The following EPHA3 variants were observed in gnomAD, a reference collection of about 807,000 sequenced individuals.
The protein encoded by EPHA3 is ephrin type-A receptor 3.
A neutral mutation model predicts 107.1 loss-of-function variants in EPHA3; 42 were observed. The observed-to-expected ratio is 0.39, with a 90% CI of 0.31 to 0.51. The LOEUF is 0.51. Ranked by LOEUF, EPHA3 falls within the 20% of genes least tolerant of loss-of-function variation. EPHA3 has a pLI of 0.78. For missense variants in EPHA3, 1,183 were observed against 1,211.2 expected (o/e 0.98, Z 0.35); for synonymous variants, 461 against 424.8 (o/e 1.09, Z -1.05).
chr3:89,193,335 C>T (rs1055790310), intron 2 of EPHA3, among the ~76,000 whole-genome samples: 3 of 151,990 alleles, frequency 2.0e-5, no homozygotes, highest in Admixed American at 6.6e-5. Flanking sequence ...CTGCTCCCCA[C>T]CAAATGATAG....
intron 3 of EPHA3, among the ~76,000 whole-genome samples, chr3:89,250,436 G>A (rs752733858): frequency 6.6e-6 from 1 of 151,964 alleles, no homozygotes. Flanking sequence ...TCATGTCATC[G>A]TACCTTTATC....
intron 13 of EPHA3, among the ~76,000 whole-genome samples, chr3:89,438,352 C>A (rs1360245559): frequency 2.0e-5 from 3 of 152,038 alleles, no homozygotes; most frequent in Non-Finnish European, 1.5e-5. Flanking sequence ...ACCTCGTGAT[C>A]CGCCAGCCTC....
chr3:89,228,862 C>A (rs1704561628), intron 3 of EPHA3, among the ~76,000 whole-genome samples: 2 of 151,842 alleles, frequency 1.3e-5, no homozygotes, highest in Admixed American at 1.3e-4. Context: ...TACATATAAA[C>A]TAAAGATTCA....
intron 11 of EPHA3, among the ~76,000 whole-genome samples, chr3:89,426,360 G>T (rs886487708): frequency 2.2e-4 from 34 of 151,824 alleles, no homozygotes; most frequent in African/African-American, 8.2e-4. Flanking sequence ...AATCACAAGG[G>T]AAACCCTAAG....
At chr3:89,332,093 T>C (rs1707302095) in intron 3 of EPHA3, among the ~76,000 whole-genome samples, 1 of 152,198 alleles carries the variant, frequency 6.6e-6, no homozygotes. Context: ...CCTTCCCACA[T>C]AATCGTCTGC....
intron 15 of EPHA3, among the ~76,000 whole-genome samples, chr3:89,466,793 C>T (rs1321256871): frequency 7.4e-6 from 1 of 134,772 alleles, no homozygotes; most frequent in Non-Finnish European, 1.6e-5. Flanking sequence ...CCGTCTTATG[C>T]GTCGCTCACG....
At chr3:89,310,346 G>T (rs1706734485) in intron 3 of EPHA3, among the ~76,000 whole-genome samples, 1 of 151,984 alleles carries the variant, frequency 6.6e-6, no homozygotes, top group Non-Finnish European at 1.5e-5. Flanking sequence ...ATAATGCACA[G>T]AATAATGTCA....
chr3:89,378,465 T>G (rs562541191), intron 5 of EPHA3, among the ~76,000 whole-genome samples: 2 of 152,262 alleles, frequency 1.3e-5, no homozygotes, highest in African/African-American at 4.8e-5. Flanking sequence ...AATTCTAACT[T>G]AAGAATCATT....
At chr3:89,402,828 C>A in intron 7 of EPHA3, among the ~76,000 whole-genome samples, 1 of 152,098 alleles carries the variant, frequency 6.6e-6, no homozygotes. Flanking sequence ...CAGGCATGTG[C>A]CACAATGCCC....
chr3:89,405,607 T>C (rs75198331), intron 7 of EPHA3, among the ~76,000 whole-genome samples: 3,923 of 152,264 alleles, frequency 0.026, 78 homozygotes, highest in Middle Eastern at 0.051. Context: ...TTGCATTATT[T>C]AACTAACCCT....
intron 2 of EPHA3, among the ~76,000 whole-genome samples, chr3:89,198,861 C>A (rs1490819615): frequency 6.6e-6 from 1 of 152,132 alleles, no homozygotes; most frequent in Non-Finnish European, 1.5e-5. Flanking sequence ...GCATTAATTT[C>A]TAAGTAGTTG....
rs1313408132 is a variant in EPHA3 at position 89,347,805 on chromosome 3, T to C, written c.1306+5715T>C. On this transcript the variant is annotated intron_variant, in intron 5 of 16. Coordinates refer to ENST00000336596, the MANE Select transcript of EPHA3 (RefSeq NM_005233.6). ...ATACGTCCCATCAATACCTAATTTA[T>C]TGAGAGTTTTTAGCATGAAGAGTTG... 1.3e-5 allele frequency among the ~76,000 whole-genome samples: 2 copies of C among 150,964 alleles called. 1 individual carries two copies. The highest frequency in any genetic ancestry group is 3.0e-5 in the Non-Finnish European group (2 of 67,468).
At chr3:89,199,051 C>T (rs1705908344) in intron 2 of EPHA3, among the ~76,000 whole-genome samples, 1 of 152,110 alleles carries the variant, frequency 6.6e-6, no homozygotes, top group African/African-American at 2.4e-5. Context: ...ACATGCTAGT[C>T]TCATTGTCCT....
Position 89,339,115 on chromosome 3 carries a change from G to A in EPHA3, c.815-1801G>A, listed in dbSNP as rs142931632. ...CGGCCTGTGGCGGTGACTCACGCCT[G>A]TAATCCCAGGACTTTGGGAGGCCGA... is the stretch of plus-strand genomic sequence containing the variant. On this transcript the variant is annotated intron_variant, in intron 3 of 16. Coordinates refer to ENST00000336596, the MANE Select transcript of EPHA3 (RefSeq NM_005233.6). Among the ~76,000 whole-genome samples, 900 of 152,278 alleles carry A rather than the reference G, an allele frequency of 5.9e-3. 7 individuals carry two copies. The highest frequency in any genetic ancestry group is 0.021 in the African/African-American group (864 of 41,566).
At chr3:89,163,044 A>G (rs1209702665) in intron 2 of EPHA3, among the ~76,000 whole-genome samples, 1 of 152,180 alleles carries the variant, frequency 6.6e-6, no homozygotes, top group African/African-American at 2.4e-5. Context: ...GTTTATATTT[A>G]CCAGGATATT....
In EPHA3 at chr3:89,399,086, C is replaced by G. The variant is rs1365806903; in HGVS notation, c.1432-232C>G. ...CAGAGGTTTCAGTGAGCTGAGATCG[C>G]GCCACTGCACTCCAGCCTGGTGACA... On this transcript the variant is annotated intron_variant, in intron 6 of 16. Transcript: ENST00000336596. Among the ~76,000 whole-genome samples the G allele has an allele frequency of 2.6e-5, 4 of 151,180 alleles. No individual in the cohort carries two copies. The East Asian group carries it at 7.8e-4, about 29-fold the overall frequency.
chr3:89,198,519 G>A (rs561082781), intron 2 of EPHA3, among the ~76,000 whole-genome samples: 261 of 152,214 alleles, frequency 1.7e-3, no homozygotes, highest in South Asian at 6.8e-3. Flanking sequence ...GATTAAACAT[G>A]TTTCTATGAA....
At chr3:89,455,171 C>G (rs569773229) in intron 15 of EPHA3, among the ~76,000 whole-genome samples, 33 of 152,214 alleles carry the variant, frequency 2.2e-4, no homozygotes, top group Non-Finnish European at 2.9e-4. Context: ...TTCTGCCACT[C>G]TTGTAAACAA....
At chr3:89,155,331 C>T (rs1704775587) in intron 2 of EPHA3, among the ~76,000 whole-genome samples, 2 of 151,818 alleles carry the variant, frequency 1.3e-5, no homozygotes, top group African/African-American at 4.8e-5. Flanking sequence ...TATAAAATAC[C>T]CTTTTTCTAG....
Sources: gnomAD v4.1 joint callset for allele counts (sites outside exome capture counted in the v4.1 genomes callset) on GRCh38, gnomAD v4.1.1 for gene constraint, MANE v1.5 for transcripts, NCBI Gene and HGNC (gene_info 2026-07-23, HGNC 2026-07-21) for gene names.